The following TMC1 variants were observed in gnomAD, a reference collection of about 807,000 sequenced individuals.
TMC1 encodes transmembrane channel like 1.
TMC1 carries 84 observed loss-of-function variants against 105.8 expected under a neutral mutation model. The observed-to-expected ratio is 0.79, with a 90% confidence interval of 0.67 to 0.95. The LOEUF (loss-of-function observed/expected upper bound fraction) is 0.95. Ranked by LOEUF, TMC1 falls within the 40% of genes least tolerant of loss-of-function variation. TMC1 has a pLI of 0.00. For synonymous variants in TMC1, 315 were observed against 311.5 expected (o/e 1.01, Z -0.12); for missense variants, 817 against 914.1 (o/e 0.89, Z 1.37).
intron 6 of TMC1, among the ~76,000 whole-genome samples, chr9:72,689,281 G>A (rs1242467521): frequency 1.3e-5 from 2 of 151,060 alleles, no homozygotes; most frequent in African/African-American, 4.9e-5. Flanking sequence ...TTTGGAATGA[G>A]GGTCTTATGA....
chr9:72,615,667 C>A (rs1169410035), intron 2 of TMC1, among the ~76,000 whole-genome samples: 1 of 151,968 alleles, frequency 6.6e-6, no homozygotes, highest in Non-Finnish European at 1.5e-5. Context: ...AATGGTCATC[C>A]TTTAGCATTA....
intron 17 of TMC1, among the ~76,000 whole-genome samples, chr9:72,802,849 A>G (rs1828499809): frequency 6.6e-6 from 1 of 152,060 alleles, no homozygotes; most frequent in Non-Finnish European, 1.5e-5. Flanking sequence ...TTAAACCACC[A>G]TTGACATTCT....
chr9:72,670,132 C>T (rs1424549327), intron 5 of TMC1, among the ~76,000 whole-genome samples: 2 of 152,154 alleles, frequency 1.3e-5, no homozygotes, highest in African/African-American at 4.8e-5. Context: ...TGTAGTGTTC[C>T]TGCTGACTCT....
At chr9:72,635,303 T>C (rs34017004) in intron 4 of TMC1, among the ~76,000 whole-genome samples, 6,388 of 152,186 alleles carry the variant, frequency 0.042, 197 homozygotes, top group Non-Finnish European at 0.062. Context: ...CTTCAGATTT[T>C]TATGAGGGCT....
intron 5 of TMC1, among the ~76,000 whole-genome samples, chr9:72,664,952 G>T (rs913380193): frequency 7.9e-5 from 12 of 152,206 alleles, no homozygotes; most frequent in Admixed American, 4.6e-4. Context: ...ACCGTGGGAT[G>T]GGAACCCAAA....
chr9:72,652,710 A>G (rs960957263), intron 5 of TMC1, among the ~76,000 whole-genome samples: 4 of 152,230 alleles, frequency 2.6e-5, no homozygotes, highest in African/African-American at 9.6e-5. Flanking sequence ...CATAATTTGA[A>G]GCAGATTAAC....
chr9:72,683,339 A>G (rs1463173436), intron 5 of TMC1, among the ~76,000 whole-genome samples: 1 of 152,080 alleles, frequency 6.6e-6, no homozygotes, highest in Non-Finnish European at 1.5e-5. Context: ...GCTTATATAC[A>G]TATACATGCA....
At position 72,664,295 on chromosome 9, in the gene TMC1, A is replaced by G. The variant is rs538457874; in HGVS notation, c.16+15631A>G. On this transcript the variant is annotated intron_variant, in intron 5 of 23. Coordinates refer to ENST00000297784, the MANE Select transcript of TMC1 (RefSeq NM_138691.3). The stretch of plus-strand genomic sequence containing the variant: ...TCACCAGGATCACCACAAACATATG[A>G]GTAATGTGTTGATCTATGACATTAC... Among the ~76,000 whole-genome samples the G allele has an allele frequency of 1.3e-3, 204 of 152,306 alleles. 1 individual carries two copies. The highest frequency in any genetic ancestry group is 4.7e-3 in the African/African-American group (195 of 41,582).
At chr9:72,559,974 T>G (rs1056549860) in intron 1 of TMC1, among the ~76,000 whole-genome samples, 3 of 152,214 alleles carry the variant, frequency 2.0e-5, no homozygotes, top group Non-Finnish European at 4.4e-5. Context: ...AGCTTTCATT[T>G]GGCTGAGAAA....
At chr9:72,784,978 AC>A (rs1320601587) in intron 13 of TMC1, among the ~76,000 whole-genome samples, 6 of 152,274 alleles carry the variant, frequency 3.9e-5, no homozygotes, top group Middle Eastern at 6.8e-3. Flanking sequence ...TTGAAAAACT[AC>A]CTATTGGTTA....
At chr9:72,689,166 A>G (rs1225365700) in intron 6 of TMC1, among the ~76,000 whole-genome samples, 1 of 152,120 alleles carries the variant, frequency 6.6e-6, no homozygotes, top group African/African-American at 2.4e-5. Flanking sequence ...GTATAATCTA[A>G]TGTTTACATA....
At chr9:72,631,936 AGTGAACG>A (rs763510706) in intron 4 of TMC1, among the ~76,000 whole-genome samples, 4 of 152,280 alleles carry the variant, frequency 2.6e-5, no homozygotes, top group Non-Finnish European at 4.4e-5. Context: ...TAGGAAGAAT[AGTGAACG>A]GTGGCAAGGA....
chr9:72,720,825 AT>A (rs1827010455), intron 8 of TMC1, among the ~76,000 whole-genome samples: 1 of 152,160 alleles, frequency 6.6e-6, no homozygotes, highest in Non-Finnish European at 1.5e-5. Context: ...CATCATATAT[AT>A]TTTTAAAAAT....
Position 72,836,045 on chromosome 9 carries a change from C to T in TMC1, c.*72C>T, listed in dbSNP as rs769243105. 3.2e-6 allele frequency: 5 copies of T among 1,545,778 alleles called. No individual in the cohort carries two copies. In the African/African-American group the frequency reaches 4.1e-5, roughly 13 times the overall value. ...AAAAGTAATGCAATATGTGAACGCC[C>T]AGAGAACAAGCACTGTGGAACTGCT... On this transcript the variant is annotated 3_prime_UTR_variant, in exon 24 of 24. Transcript: ENST00000297784.
rs779639998 is a variant in TMC1 at position 72,754,804 on chromosome 9, T to C, written c.661T>C (p.Tyr221His). 2 of 1,614,068 alleles carry C rather than the reference T, an allele frequency of 1.2e-6. No individual in the cohort carries two copies. The highest frequency in any genetic ancestry group is 1.7e-6 in the Non-Finnish European group (2 of 1,179,914). The change falls in exon 12 of 24, where the codon TAT (tyrosine) becomes CAT (histidine). Residue 221 changes from tyrosine (Y) to histidine (H), a missense_variant. Coordinates refer to ENST00000297784, the MANE Select transcript of TMC1 (RefSeq NM_138691.3). Reference sequence around the variant, plus strand: ...CATACAGTACCTCTGGGGTTTGCCATATGGCAGTTTACCTAGGAAAACCGT... The same window carrying C: ...CATACAGTACCTCTGGGGTTTGCCACATGGCAGTTTACCTAGGAAAACCGT... ...MLPEYLWGLP[Y>H]GSLPRKTVPR...
chr9:72,564,641 C>T (rs372190036), intron 1 of TMC1, among the ~76,000 whole-genome samples: 1 of 152,304 alleles, frequency 6.6e-6, no homozygotes, highest in East Asian at 1.9e-4. Flanking sequence ...CAAGACAAAA[C>T]CACATGGACA....
At chr9:72,725,266 A>G (rs1827093866) in intron 8 of TMC1, among the ~76,000 whole-genome samples, 3 of 145,612 alleles carry the variant, frequency 2.1e-5, no homozygotes, top group Middle Eastern at 7.2e-3. Flanking sequence ...CAAATATTGT[A>G]TTAGGGTTCT....
chr9:72,760,937 A>C (rs1414560909), intron 12 of TMC1, among the ~76,000 whole-genome samples: 1 of 152,150 alleles, frequency 6.6e-6, no homozygotes, highest in African/African-American at 2.4e-5. Context: ...ACTCATCCAA[A>C]TTCTCTTCAG....
In TMC1 at chr9:72,643,201, A is replaced by G. The variant is rs1039866611; in HGVS notation, c.-52-5396A>G. Among the ~76,000 whole-genome samples the G allele has an allele frequency of 4.7e-5, 7 of 147,814 alleles. No homozygotes were observed. In the South Asian group the frequency reaches 1.1e-3, roughly 22 times the overall value. Reference sequence around the variant, plus strand: ...CCTTCCAACTTTCCCGCTTTTTTAGATATCACATGTACAGAAGTAGATTAA... The same window carrying G: ...CCTTCCAACTTTCCCGCTTTTTTAGGTATCACATGTACAGAAGTAGATTAA... On this transcript the variant is annotated intron_variant, in intron 4 of 23. Transcript: ENST00000297784.
Sources: allele counts gnomAD v4.1 joint callset (sites outside exome capture counted in the v4.1 genomes callset), GRCh38; gene constraint gnomAD v4.1.1; transcripts MANE v1.5; gene names NCBI Gene and HGNC (gene_info 2026-07-23, HGNC 2026-07-21).